Variants in GLOD4 observed in about 807,000 individuals in gnomAD.
The protein encoded by GLOD4 is glyoxalase domain-containing protein 4.
GLOD4 carries 44 observed loss-of-function variants against 39.1 expected under a neutral mutation model. The ratio of observed to expected loss-of-function variants is 1.13; its 90% CI spans 0.88 to 1.45. The LOEUF is 1.45. GLOD4 is among the 40% of genes most tolerant of loss of function. GLOD4 has a pLI of 0.00. For synonymous variants in GLOD4, 145 were observed against 135.0 expected, an observed-to-expected ratio of 1.07 and a Z score of -0.52; for missense variants, 405 against 366.4, an observed-to-expected ratio of 1.11 and a Z score of -0.86.
At chr17:768,413 C>A (rs901053551) in intron 8 of GLOD4, among the ~76,000 whole-genome samples, 1 of 134,304 alleles carries the variant, frequency 7.4e-6, no homozygotes, top group African/African-American at 2.9e-5. Context: ...AGCGCGCGCT[C>A]AGATTTTTAG....
chr17:771,676 C>T (rs1173613432), intron 4 of GLOD4, among the ~76,000 whole-genome samples: 1 of 152,078 alleles, frequency 6.6e-6, no homozygotes, highest in Admixed American at 6.6e-5. Context: ...AAGACCAATG[C>T]AGGTAAAACA....
chr17:771,430 AG>A lies in GLOD4; in HGVS notation c.437del (p.Ser146LeufsTer7). On this transcript the variant is annotated frameshift_variant, in exon 5 of 9. Transcript: ENST00000301329. LOFTEE classifies it high-confidence loss of function. ...DPVLKVTLAVSDLQKSLNYWC... is the reference protein window; with the variant it reads ...DPVLKVTLAVXDLQKSLNYWC... Reference sequence around the variant, plus strand: ...AGTAGTTCAAGGACTTTTGAAGATCAGACACTGCTAGAGTTACTTTTAATAC... The same window carrying A: ...AGTAGTTCAAGGACTTTTGAAGATCAACACTGCTAGAGTTACTTTTAATAC... 1 of 1,576,632 alleles carries A rather than the reference AG, an allele frequency of 6.3e-7. No individual in the cohort carries two copies. Among genetic ancestry groups the A allele is most frequent in the Non-Finnish European group, 8.7e-7 (1 of 1,148,722 alleles).
Position 760,190 on chromosome 17 carries a change from G to C in GLOD4, c.880C>G (p.Pro294Ala). Residue 294 changes from proline (P) to alanine (A), a missense_variant, in exon 9 of 9, where the codon CCC (proline) becomes GCC (alanine). Pro to Ala is a conservative substitution (Grantham distance 27). Coordinates refer to ENST00000301329, the MANE Select transcript of GLOD4 (RefSeq NM_016080.4). ...GTCTTCCGTTAACCTGAAGCTTTGG[G>C]TTTATTGTGTTTGGCAAACCACTCG... ...SDEWFAKHNK[P>A]KASG 1 of 1,598,352 alleles carries C rather than the reference G, an allele frequency of 6.3e-7. No individual in the cohort carries two copies. Among genetic ancestry groups the C allele is most frequent in the Non-Finnish European group, 8.6e-7 (1 of 1,165,684 alleles).
intron 8 of GLOD4, among the ~76,000 whole-genome samples, chr17:768,348 C>T (rs1362568167): frequency 3.4e-5 from 5 of 146,912 alleles, no homozygotes; most frequent in African/African-American, 1.3e-4. Context: ...AGAGAAACAG[C>T]GCGCACTCAG....
In GLOD4 at chr17:779,319, TAAAAAAAAAAAAAAAA is replaced by T. The variant is rs34487169; in HGVS notation, c.91-591_91-576del. 6.4e-3 allele frequency among the ~76,000 whole-genome samples: 276 copies of T among 43,384 alleles called. 2 individuals are homozygous for T. The highest frequency in any genetic ancestry group is 0.026 in the African/African-American group (265 of 10,168). The allele number at this position is 43,384 out of a possible 152,430, so 28.5% of individuals were successfully genotyped here. Reference sequence around the variant, plus strand: ...ACAAGAGCAAAATTCCATCTCAAATTAAAAAAAAAAAAAAAAAAAAAAAAAAAAAGATGGGCATCGT... The same window carrying T: ...ACAAGAGCAAAATTCCATCTCAAATTAAAAAAAAAAAAAGATGGGCATCGT... On this transcript the variant is annotated intron_variant, in intron 1 of 8. Coordinates refer to ENST00000301329, the MANE Select transcript of GLOD4 (RefSeq NM_016080.4).
Position 776,602 on chromosome 17 carries a change from C to G in GLOD4, c.261+266G>C, listed in dbSNP as rs148673631. The stretch of plus-strand genomic sequence containing the variant: ...GCACTGCCGACCCCATCTCTTACCA[C>G]GCTCCCCTCTCGTTCTCTATTCCAG... On this transcript the variant is annotated intron_variant, in intron 3 of 8. Coordinates refer to ENST00000301329, the MANE Select transcript of GLOD4 (RefSeq NM_016080.4). Among the ~76,000 whole-genome samples the G allele has an allele frequency of 2.3e-3, 343 of 152,308 alleles. 2 individuals carry two copies. The highest frequency in any genetic ancestry group is 7.9e-3 in the African/African-American group (328 of 41,574).
chr17:763,049 C>T (rs537992675), intron 8 of GLOD4, among the ~76,000 whole-genome samples: 14 of 151,968 alleles, frequency 9.2e-5, no homozygotes, highest in East Asian at 7.7e-4. Flanking sequence ...TGGTGGTGGG[C>T]GCCTGTAGTC....
rs757876313 is a variant in GLOD4 at position 770,442 on chromosome 17, G to A, written c.609C>T (p.Ala203=). Reference sequence around the variant, plus strand: ...TTACCTCTTTCTGGGGGCAAGAGAAGGCAATTCTTCCAAAAGCTGCTGCAT... The same window carrying A: ...TTACCTCTTTCTGGGGGCAAGAGAAAGCAATTCTTCCAAAAGCTGCTGCAT... ...VDHAAAFGRI[A]FSCPQKELPD... is the part of the protein sequence containing the mutation. The change falls in exon 6 of 9, where the codon GCC becomes GCT. Residue 203 remains alanine (A), a synonymous_variant. Transcript: ENST00000301329. 9.5e-6 allele frequency: 15 copies of A among 1,574,320 alleles called. No individual in the cohort carries two copies. The African/African-American group carries it at 1.6e-4, about 17-fold the overall frequency.
At chr17:770,582 T>C in intron 5 of GLOD4, 75 bp from the exon 6 acceptor site, 1 of 777,960 alleles carries the variant, frequency 1.3e-6, no homozygotes, top group Non-Finnish European at 2.4e-6. Context: ...AAAATTCAAA[T>C]ATTATATACT....
intron 4 of GLOD4, among the ~76,000 whole-genome samples, chr17:774,428 T>C (rs1908541819): frequency 6.6e-6 from 1 of 152,186 alleles, no homozygotes; most frequent in African/African-American, 2.4e-5. Flanking sequence ...ATTTTCCCCG[T>C]TTTTGCTTTT....
At position 775,788 on chromosome 17, in the gene GLOD4, A is replaced by T; in HGVS notation, c.393T>A (p.Ser131Arg). 1 of 1,614,024 alleles carries T rather than the reference A, an allele frequency of 6.2e-7. No individual in the cohort carries two copies. ...TGGTATAATTACCTGACTGAGGCAG[A>T]CTGCGATTCTGCAAATAGAACTTAT... ...GGYKFYLQNR[S>R]LPQSDPVLKV... Residue 131 changes from serine (S) to arginine (R), a missense_variant, in exon 4 of 9, where the codon AGT becomes AGA. Transcript: ENST00000301329.
rs141115825 is a variant in GLOD4, at chr17:776,908, T to C, written c.221A>G (p.Asn74Ser). Residue 74 changes from asparagine (N) to serine (S), a missense_variant, in exon 3 of 9, where the codon AAT (asparagine) becomes AGT (serine). Coordinates refer to ENST00000301329, the MANE Select transcript of GLOD4 (RefSeq NM_016080.4). ...AAGCTTGTAGTCTCCGACGCCATAA[T>C]TGTAAGTCAGTTCTGCGACAAAATG... ...DDHFVAELTY[N>S]YGVGDYKLGN... 1.1e-5 allele frequency: 18 copies of C among 1,612,674 alleles called. No individual in the cohort carries two copies. The highest frequency in any genetic ancestry group is 2.2e-5 in the South Asian group (2 of 91,048).
In GLOD4 at chr17:760,092, G is replaced by C; in HGVS notation, c.*81C>G. 1 of 815,378 alleles carries C rather than the reference G, an allele frequency of 1.2e-6. No homozygotes were observed. The highest frequency in any genetic ancestry group is 2.2e-6 in the Non-Finnish European group (1 of 457,736). 50.5% of individuals were successfully genotyped at this position (815,378 alleles called of 1,614,324 possible). A position where few individuals can be genotyped will look rare whatever the true frequency, so the allele number is the denominator to read the frequency against. On this transcript the variant is annotated 3_prime_UTR_variant, in exon 9 of 9. Transcript: ENST00000301329. ...CCTGTACGGGAAACAAATCAGAAGA[G>C]CATTTATTGGGAACTGACACGTCAG... is the stretch of plus-strand genomic sequence containing the variant.
At chr17:777,278 C>A in intron 2 of GLOD4, 1 of 413,240 alleles carries the variant, frequency 2.4e-6, no homozygotes, top group Non-Finnish European at 4.5e-6. Context: ...CCTGTTATTT[C>A]CTTGACTATC....
chr17:785,357 T>C (rs1423714003), upstream of GLOD4, among the ~76,000 whole-genome samples: 3 of 152,118 alleles, frequency 2.0e-5, no homozygotes, highest in African/African-American at 7.2e-5. Context: ...CCATAAATTC[T>C]TTCCATAAAA....
At chr17:760,903 A>ATC (rs1905307064) in intron 8 of GLOD4, among the ~76,000 whole-genome samples, 2 of 152,224 alleles carry the variant, frequency 1.3e-5, no homozygotes, top group Non-Finnish European at 2.9e-5. Context: ...CCTGTGTAAC[A>ATC]GAGTGGGACC....
At chr17:783,847 A>G (rs182756059), upstream of GLOD4, among the ~76,000 whole-genome samples, 78 of 152,342 alleles carry the variant, frequency 5.1e-4, no homozygotes, top group African/African-American at 1.9e-3. Context: ...AAGAACCACT[A>G]TTCCTCAAAC....
intron 4 of GLOD4, 101 bp from the exon 5 acceptor site, chr17:771,562 G>A (rs1907950712): frequency 4.3e-6 from 3 of 697,998 alleles, no homozygotes; most frequent in Non-Finnish European, 6.8e-6. Context: ...TTTATGATAA[G>A]AAAGGGATTT....
rs865805301 is a variant in GLOD4 at position 775,400 on chromosome 17, C to T, written c.406+375G>A. On this transcript the variant is annotated intron_variant, in intron 4 of 8. Coordinates refer to ENST00000301329, the MANE Select transcript of GLOD4 (RefSeq NM_016080.4). Reference sequence around the variant, plus strand: ...TAGGAGAGGTACCCGCAGAGAACAACAGAACGTAGAAAGAGAAAATGTGGG... The same window carrying T: ...TAGGAGAGGTACCCGCAGAGAACAATAGAACGTAGAAAGAGAAAATGTGGG... Among the ~76,000 whole-genome samples, 3 of 152,198 alleles carry T rather than the reference C, an allele frequency of 2.0e-5. No homozygotes were observed. In the South Asian group the frequency reaches 6.2e-4, roughly 32 times the overall value.
Sources: gnomAD v4.1 joint callset for allele counts (sites outside exome capture counted in the v4.1 genomes callset) on GRCh38, gnomAD v4.1.1 for gene constraint, MANE v1.5 for transcripts, NCBI Gene and HGNC (gene_info 2026-07-23, HGNC 2026-07-21) for gene names.